Variants in PKHD1L1 observed in about 807,000 individuals in gnomAD.
PKHD1L1 encodes PKHD1 like 1.
A neutral mutation model predicts 462.9 loss-of-function variants in PKHD1L1; 434 were observed. That is an observed-to-expected ratio of 0.94 (90% CI 0.87 to 1.02). The LOEUF is 1.02. Ranked by LOEUF, PKHD1L1 falls within the 50% of genes least tolerant of loss-of-function variation. The probability of loss-of-function intolerance (pLI) is 0.00; values close to 1 mark genes in which losing one functional copy is unlikely to be tolerated. For synonymous variants in PKHD1L1, 1,781 were observed against 1,750.0 expected (o/e 1.02, Z -0.44); for missense variants, 5,202 against 5,096.1 (o/e 1.02, Z -0.63).
intron 21 of PKHD1L1, among the ~76,000 whole-genome samples, chr8:109,416,052 C>T (rs1814153289): frequency 6.6e-6 from 1 of 151,992 alleles, no homozygotes; most frequent in South Asian, 2.1e-4. Context: ...CAACTGTAGA[C>T]CAAGTTTAAA....
chr8:109,488,381 T>G (rs1818661939), intron 59 of PKHD1L1, among the ~76,000 whole-genome samples: 1 of 152,062 alleles, frequency 6.6e-6, no homozygotes, highest in African/African-American at 2.4e-5. Context: ...TTATTGACTT[T>G]CAGAACCTTT....
In PKHD1L1 at chr8:109,404,975, G is replaced by A. The variant is rs558645541; in HGVS notation, c.1534-20G>A. The A allele has an allele frequency of 1.3e-5, 18 of 1,398,780 alleles. No homozygotes were observed. In the South Asian group the frequency reaches 2.4e-4, roughly 18 times the overall value. 86.6% of individuals were successfully genotyped at this position (1,398,780 alleles called of 1,614,324 possible). On this transcript the variant is annotated intron_variant, in intron 15 of 77. Coordinates refer to ENST00000378402, the MANE Select transcript of PKHD1L1 (RefSeq NM_177531.6). ...TATATATTTTTCATATATTAAAAAT[G>A]TTTCTTAATTGGAAAATAGGTTATA...
chr8:109,535,185 G>A lies in PKHD1L1; in HGVS notation c.*5095G>A, dbSNP rs752995673. 6.6e-6 allele frequency among the ~76,000 whole-genome samples: 1 copy of A among 151,952 alleles called. No individual in the cohort carries two copies. The highest frequency in any genetic ancestry group is 2.1e-4 in the South Asian group (1 of 4,824). On this transcript the variant is annotated 3_prime_UTR_variant, in exon 78 of 78. Coordinates refer to ENST00000378402, the MANE Select transcript of PKHD1L1 (RefSeq NM_177531.6). Reference sequence around the variant, plus strand: ...GAGTAATTATAGTTGCTATGGTAATGGGCTCTGTGCCTATGAGCAAAAAAA... The same window carrying A: ...GAGTAATTATAGTTGCTATGGTAATAGGCTCTGTGCCTATGAGCAAAAAAA...
intron 50 of PKHD1L1, among the ~76,000 whole-genome samples, chr8:109,472,599 G>A (rs548240219): frequency 1.6e-4 from 24 of 152,128 alleles, no homozygotes; most frequent in Non-Finnish European, 3.2e-4. Flanking sequence ...CTCAACGCAG[G>A]ACATTGCAAA....
intron 21 of PKHD1L1, among the ~76,000 whole-genome samples, chr8:109,414,984 T>C (rs993622982): frequency 1.4e-5 from 2 of 147,010 alleles, no homozygotes; most frequent in Non-Finnish European, 3.0e-5. Context: ...ATTATTATTA[T>C]TATTATTATT....
chr8:109,443,413 T>C (rs1238463055), intron 36 of PKHD1L1, among the ~76,000 whole-genome samples: 1 of 152,216 alleles, frequency 6.6e-6, no homozygotes, highest in African/African-American at 2.4e-5. Context: ...AAGATGACGT[T>C]GTTATTTTCC....
At chr8:109,373,796 T>A (rs1042102692) in intron 2 of PKHD1L1, among the ~76,000 whole-genome samples, 1 of 152,218 alleles carries the variant, frequency 6.6e-6, no homozygotes, top group African/African-American at 2.4e-5. Flanking sequence ...TTGTTCAGTT[T>A]CCATGTAGTT....
At chr8:109,517,757 G>A (rs1820347443) in intron 72 of PKHD1L1, among the ~76,000 whole-genome samples, 1 of 152,072 alleles carries the variant, frequency 6.6e-6, no homozygotes, top group African/African-American at 2.4e-5. Context: ...TTGGCATATA[G>A]CACTGTATAA....
rs956730712 is a variant in PKHD1L1, at chr8:109,448,448, G to T, written c.6025+57G>T. Reference sequence around the variant, plus strand: ...TTTTGTTTCAGTAAACACTTATTTAGAAACCTTATTTAGAAAATAATATGT... The same window carrying T: ...TTTTGTTTCAGTAAACACTTATTTATAAACCTTATTTAGAAAATAATATGT... On this transcript the variant is annotated intron_variant, in intron 39 of 77. Transcript: ENST00000378402. 5.5e-6 allele frequency: 8 copies of T among 1,463,978 alleles called. No homozygotes were observed. The Admixed American group carries it at 1.7e-4, about 30-fold the overall frequency. The allele number at this position is 1,463,978 out of a possible 1,614,324, so 90.7% of individuals were successfully genotyped here.
chr8:109,377,241 T>G (rs971108627), intron 2 of PKHD1L1, among the ~76,000 whole-genome samples: 3 of 146,610 alleles, frequency 2.0e-5, no homozygotes, highest in African/African-American at 7.4e-5. Flanking sequence ...AATACTTATC[T>G]TTTTATAATG....
At chr8:109,484,985 A>G in intron 57 of PKHD1L1, 59 bp from the exon 58 acceptor site, 1 of 1,361,230 alleles carries the variant, frequency 7.3e-7, no homozygotes, top group Non-Finnish European at 9.9e-7. Context: ...TAATGATATC[A>G]AGAAATATAA....
intron 63 of PKHD1L1, among the ~76,000 whole-genome samples, chr8:109,495,783 T>G (rs185701465): frequency 1.3e-5 from 2 of 152,142 alleles, no homozygotes; most frequent in African/African-American, 4.8e-5. Flanking sequence ...CCAGGGAACC[T>G]GAACAGGAGA....
chr8:109,451,688 T>C (rs1483193830), intron 41 of PKHD1L1, among the ~76,000 whole-genome samples: 1 of 152,238 alleles, frequency 6.6e-6, no homozygotes, highest in African/African-American at 2.4e-5. Flanking sequence ...GCATACACCA[T>C]AGAAGCTCAT....
intron 58 of PKHD1L1, among the ~76,000 whole-genome samples, chr8:109,485,863 A>G (rs777901755): frequency 8.6e-5 from 13 of 152,002 alleles, no homozygotes; most frequent in Non-Finnish European, 1.6e-4. Flanking sequence ...ATAGAAGCGC[A>G]TGTGTCTATA....
At chr8:109,395,922 C>T (rs548475588) in intron 10 of PKHD1L1, 105 bp from the exon 11 acceptor site, 2 of 681,046 alleles carry the variant, frequency 2.9e-6, no homozygotes, top group African/African-American at 1.8e-5. Flanking sequence ...AATCTACTAC[C>T]TGTGTTAGGC....
intron 49 of PKHD1L1, among the ~76,000 whole-genome samples, chr8:109,465,685 A>C (rs1225346700): frequency 6.6e-6 from 1 of 152,226 alleles, no homozygotes; most frequent in Admixed American, 6.5e-5. Context: ...AAAGCAATAT[A>C]GACAGACTGT....
At chr8:109,421,108 A>G (rs1350784405) in intron 23 of PKHD1L1, among the ~76,000 whole-genome samples, 5 of 151,936 alleles carry the variant, frequency 3.3e-5, no homozygotes, top group Non-Finnish European at 7.4e-5. Flanking sequence ...GTGGTTTTTC[A>G]TAATTCCAGA....
chr8:109,404,487 C>T, intron 14 of PKHD1L1, 67 bp from the exon 15 acceptor site: 1 of 906,532 alleles, frequency 1.1e-6, no homozygotes. Context: ...ATATTTTATT[C>T]ATTAAAATAA....
rs774028009 is a variant in PKHD1L1, at chr8:109,523,404, G to T, written c.12484+18G>T. Reference sequence around the variant, plus strand: ...TAGAACAGGTGGGTGCACTATTTTGGATCCTCACATATATAGCCATAAATA... The same window carrying T: ...TAGAACAGGTGGGTGCACTATTTTGTATCCTCACATATATAGCCATAAATA... On this transcript the variant is annotated intron_variant, in intron 76 of 77. Transcript: ENST00000378402. 1.3e-6 allele frequency: 2 copies of T among 1,596,146 alleles called. No individual in the cohort carries two copies. Among genetic ancestry groups the T allele is most frequent in the Non-Finnish European group, 1.7e-6 (2 of 1,166,558 alleles).
Sources: allele counts gnomAD v4.1 joint callset (sites outside exome capture counted in the v4.1 genomes callset), GRCh38; gene constraint gnomAD v4.1.1; transcripts MANE v1.5; gene names NCBI Gene and HGNC (gene_info 2026-07-23, HGNC 2026-07-21).